Variants in NEGR1 observed in about 807,000 individuals in gnomAD.
The protein encoded by NEGR1 is neuronal growth regulator 1, also known as IgLON family member 4.
A neutral mutation model predicts 40.9 loss-of-function variants in NEGR1; 10 were observed. The observed-to-expected ratio is 0.24, with a 90% CI of 0.15 to 0.42. The LOEUF (loss-of-function observed/expected upper bound fraction) is 0.42, where lower values mean the gene tolerates loss of function less well. Ranked by LOEUF, NEGR1 falls within the 10% of genes least tolerant of loss-of-function variation. NEGR1 has a pLI of 1.00. For synonymous variants in NEGR1, 185 were observed against 166.8 expected, an observed-to-expected ratio of 1.11 and a Z score of -0.84; for missense variants, 352 against 438.9, an observed-to-expected ratio of 0.80 and a Z score of 1.77.
At chr1:71,755,890 A>C (rs1655716332) in intron 3 of NEGR1, among the ~76,000 whole-genome samples, 1 of 152,196 alleles carries the variant, frequency 6.6e-6, no homozygotes, top group Non-Finnish European at 1.5e-5. Context: ...ATGAGTTTTG[A>C]AGAAAACAGA....
chr1:71,980,043 T>A (rs1007871422), intron 1 of NEGR1, among the ~76,000 whole-genome samples: 3 of 151,830 alleles, frequency 2.0e-5, no homozygotes, highest in Non-Finnish European at 4.4e-5. Context: ...AAAATGCAAA[T>A]GATAAAAAAG....
intron 1 of NEGR1, among the ~76,000 whole-genome samples, chr1:72,237,756 G>A (rs1654605009): frequency 6.6e-6 from 1 of 151,776 alleles, no homozygotes. Flanking sequence ...ATTTTATTAG[G>A]GAAGCTGGGT....
chr1:71,869,223 G>A (rs2101831342), intron 2 of NEGR1, among the ~76,000 whole-genome samples: 1 of 152,248 alleles, frequency 6.6e-6, no homozygotes, highest in African/African-American at 2.4e-5. Context: ...ATTAGAGGAA[G>A]GAATTCTAGA....
chr1:71,519,913 C>G (rs1326873770), intron 6 of NEGR1, among the ~76,000 whole-genome samples: 2 of 151,722 alleles, frequency 1.3e-5, no homozygotes, highest in South Asian at 4.2e-4. Context: ...GTGTGTGTAC[C>G]TGGGGTTTTT....
At chr1:71,962,318 G>A (rs994229467) in intron 1 of NEGR1, among the ~76,000 whole-genome samples, 16 of 152,050 alleles carry the variant, frequency 1.1e-4, no homozygotes, top group African/African-American at 3.6e-4. Context: ...TGATGGTAAA[G>A]GGAAGTACAT....
chr1:71,591,081 T>A (rs1649482767), intron 6 of NEGR1, among the ~76,000 whole-genome samples: 1 of 152,164 alleles, frequency 6.6e-6, no homozygotes, highest in African/African-American at 2.4e-5. Context: ...GATGAGGTCA[T>A]ACCAGGGGTT....
At chr1:71,818,774 G>T (rs764379603) in intron 2 of NEGR1, among the ~76,000 whole-genome samples, 4 of 151,776 alleles carry the variant, frequency 2.6e-5, no homozygotes, top group Non-Finnish European at 5.9e-5. Flanking sequence ...AACAATAAAA[G>T]CTCCAGCAGA....
chr1:72,161,268 C>A (rs1390552193), intron 1 of NEGR1, among the ~76,000 whole-genome samples: 1 of 152,058 alleles, frequency 6.6e-6, no homozygotes, highest in Non-Finnish European at 1.5e-5. Context: ...GCGAGATGAA[C>A]CTCTTTAATA....
At chr1:71,734,181 T>C (rs910018730) in intron 3 of NEGR1, among the ~76,000 whole-genome samples, 2 of 152,142 alleles carry the variant, frequency 1.3e-5, no homozygotes, top group African/African-American at 4.8e-5. Flanking sequence ...TTCAACATCT[T>C]CACCAAAAGA....
At chr1:71,748,604 C>T (rs978965189) in intron 3 of NEGR1, among the ~76,000 whole-genome samples, 2 of 152,072 alleles carry the variant, frequency 1.3e-5, no homozygotes, top group African/African-American at 4.8e-5. Flanking sequence ...TGCATATTTA[C>T]TTATAATATT....
At chr1:72,083,979 C>G (rs1407239983) in intron 1 of NEGR1, among the ~76,000 whole-genome samples, 2 of 152,148 alleles carry the variant, frequency 1.3e-5, no homozygotes, top group Non-Finnish European at 1.5e-5. Context: ...CTGCATCCAC[C>G]ATTATACCAC....
At chr1:71,407,646 C>T (rs954330515) in intron 6 of NEGR1, 76 bp from the exon 7 acceptor site, 1 of 1,433,432 alleles carries the variant, frequency 7.0e-7, no homozygotes, top group Non-Finnish European at 9.7e-7. Flanking sequence ...CAAAAGGTAG[C>T]CAGGTGCATC....
At chr1:71,696,498 T>C (rs1653478719) in intron 4 of NEGR1, among the ~76,000 whole-genome samples, 1 of 151,746 alleles carries the variant, frequency 6.6e-6, no homozygotes, top group Non-Finnish European at 1.5e-5. Context: ...TTTCATTTCT[T>C]AGTGCTCACT....
At chr1:71,447,802 A>G (rs1183303349) in intron 6 of NEGR1, among the ~76,000 whole-genome samples, 1 of 152,192 alleles carries the variant, frequency 6.6e-6, no homozygotes, top group Non-Finnish European at 1.5e-5. Context: ...CCAATTGCCT[A>G]GCATAATTTT....
rs527406674 is a variant in NEGR1 at position 71,868,340 on chromosome 1, A to G, written c.409+66739T>C. On this transcript the variant is annotated intron_variant, in intron 2 of 6. Transcript: ENST00000357731. ...CAATTTCCTTTTAAGTGGCCATTCCAATGTCTTCTAACACAAGGGAAATCA... is the reference window on the plus strand; with the variant it reads ...CAATTTCCTTTTAAGTGGCCATTCCGATGTCTTCTAACACAAGGGAAATCA... 5.3e-4 allele frequency among the ~76,000 whole-genome samples: 80 copies of G among 152,282 alleles called. 1 individual carries two copies. Among genetic ancestry groups the G allele is most frequent in the Admixed American group, 5.2e-3 (79 of 15,280 alleles).
At chr1:71,724,786 G>T (rs1654620123) in intron 3 of NEGR1, among the ~76,000 whole-genome samples, 1 of 151,918 alleles carries the variant, frequency 6.6e-6, no homozygotes, top group Non-Finnish European at 1.5e-5. Context: ...CATATGTCAG[G>T]GAATACCCTC....
chr1:72,144,097 A>C (rs1278116998), intron 1 of NEGR1, among the ~76,000 whole-genome samples: 3 of 150,392 alleles, frequency 2.0e-5, no homozygotes, highest in African/African-American at 7.3e-5. Flanking sequence ...AAAAAGGAAA[A>C]TTACTGCTTA....
intron 1 of NEGR1, among the ~76,000 whole-genome samples, chr1:71,942,545 A>T (rs1309018203): frequency 2.2e-5 from 2 of 89,078 alleles, no homozygotes; most frequent in Non-Finnish European, 4.1e-5. Flanking sequence ...TCTGTCGCCC[A>T]GGCTGGAGTG....
chr1:71,566,704 T>C lies in NEGR1; in HGVS notation c.940+26113A>G, dbSNP rs144242124. The stretch of plus-strand genomic sequence containing the variant: ...CGGCAACTTCTCATTTCTGATCATG[T>C]CATTATAGATAATACATGAGCAAAA... On this transcript the variant is annotated intron_variant, in intron 6 of 6. Coordinates refer to ENST00000357731, the MANE Select transcript of NEGR1 (RefSeq NM_173808.3). 5.9e-5 allele frequency among the ~76,000 whole-genome samples: 9 copies of C among 152,280 alleles called. No individual in the cohort carries two copies. The East Asian group carries it at 1.7e-3, about 29-fold the overall frequency.
Sources: gnomAD v4.1 joint callset for allele counts (sites outside exome capture counted in the v4.1 genomes callset) on GRCh38, gnomAD v4.1.1 for gene constraint, MANE v1.5 for transcripts, NCBI Gene and HGNC (gene_info 2026-07-23, HGNC 2026-07-21) for gene names.